Variants in PALD1 observed in about 807,000 individuals in gnomAD.
The protein encoded by PALD1 is paladin.
Under a neutral mutation model 96.0 loss-of-function variants are expected in PALD1, and 57 were observed. That is an observed-to-expected ratio of 0.59 (90% CI 0.48 to 0.74). PALD1 has a LOEUF of 0.74. Ranked by LOEUF, PALD1 falls within the 30% of genes least tolerant of loss-of-function variation. The pLI is 0.00. For synonymous variants in PALD1, 464 were observed against 473.6 expected (o/e 0.98, Z 0.26); for missense variants, 1,063 against 1,143.7 (o/e 0.93, Z 1.02).
intron 1 of PALD1, among the ~76,000 whole-genome samples, chr10:70,482,658 G>C (rs2132254936): frequency 6.6e-6 from 1 of 152,202 alleles, no homozygotes; most frequent in Admixed American, 6.5e-5. Context: ...TTGTGATTAA[G>C]AACACTGGCT....
At chr10:70,477,435 TCAGGTCTGTTTCC>T (rs551328215), upstream of PALD1, among the ~76,000 whole-genome samples, 36 of 152,324 alleles carry the variant, frequency 2.4e-4, no homozygotes, top group East Asian at 6.8e-3. Flanking sequence ...ACTCTGAAGG[TCAGGTCTGTTTCC>T]CAAGGCCACT....
At chr10:70,517,069 C>T (rs1264846149) in intron 1 of PALD1, among the ~76,000 whole-genome samples, 1 of 152,090 alleles carries the variant, frequency 6.6e-6, no homozygotes, top group East Asian at 1.9e-4. Context: ...ATTGGCCAGG[C>T]CCTTTTCTGA....
chr10:70,527,192 T>G (rs1190242244), intron 2 of PALD1, among the ~76,000 whole-genome samples: 2 of 152,202 alleles, frequency 1.3e-5, no homozygotes, highest in African/African-American at 4.8e-5. Context: ...TTGCACAAGT[T>G]CCTTTCCCTC....
chr10:70,482,905 T>C (rs995951657), intron 1 of PALD1, among the ~76,000 whole-genome samples: 1 of 152,146 alleles, frequency 6.6e-6, no homozygotes, highest in African/African-American at 2.4e-5. Context: ...ATTACCACGA[T>C]GTTATTCTCT....
chr10:70,491,468 A>C (rs1031023620), intron 1 of PALD1, among the ~76,000 whole-genome samples: 3 of 151,660 alleles, frequency 2.0e-5, no homozygotes, highest in Admixed American at 2.0e-4. Flanking sequence ...GTGTGTGATG[A>C]TATCATTTGG....
At chr10:70,507,750 C>CGTGTGT (rs10579511) in intron 1 of PALD1, among the ~76,000 whole-genome samples, 4,291 of 148,648 alleles carry the variant, frequency 0.029, 91 homozygotes, top group African/African-American at 0.061. Flanking sequence ...TTTGTGTGTG[C>CGTGTGT]GTGTGTGTGT....
intron 5 of PALD1, among the ~76,000 whole-genome samples, chr10:70,531,824 A>C (rs1455591321): frequency 6.6e-6 from 1 of 152,056 alleles, no homozygotes; most frequent in African/African-American, 2.4e-5. Flanking sequence ...TCTACTAAAA[A>C]TACAAAAAAT....
At chr10:70,478,579 A>G (rs1845866263), upstream of PALD1, among the ~76,000 whole-genome samples, 3 of 151,854 alleles carry the variant, frequency 2.0e-5, no homozygotes, top group South Asian at 4.2e-4. Flanking sequence ...CTCCTCGCGG[A>G]GGGTGGGCGG....
intron 1 of PALD1, among the ~76,000 whole-genome samples, chr10:70,507,838 G>C (rs1007487569): frequency 1.3e-5 from 2 of 151,652 alleles, no homozygotes; most frequent in African/African-American, 4.8e-5. Context: ...TCTTGCCCAG[G>C]CTAGCTTTTT....
Position 70,539,341 on chromosome 10 carries a change from G to T in PALD1, c.1725+94G>T. 1 of 1,321,470 alleles carries T rather than the reference G, an allele frequency of 7.6e-7. No individual in the cohort carries two copies. 81.9% of individuals were successfully genotyped at this position (1,321,470 alleles called of 1,614,324 possible). A position where few individuals can be genotyped will look rare whatever the true frequency, so the allele number is the denominator to read the frequency against. ...AGAAGGCCTCACACTCCCGCAGACA[G>T]ATGGAGAATCTGAGGCCCCGGGAGG... On this transcript the variant is annotated intron_variant, in intron 14 of 19. Transcript: ENST00000263563. The surrounding 1 kb of genome is among the most constrained non-coding windows in gnomAD (Gnocchi z 4.5).
intron 18 of PALD1, among the ~76,000 whole-genome samples, chr10:70,560,493 C>A (rs542774352): frequency 6.6e-6 from 1 of 152,294 alleles, no homozygotes; most frequent in East Asian, 1.9e-4. Context: ...ATGGGACAGT[C>A]CCGCCTCCTT....
the PALD1 span, among the ~76,000 whole-genome samples, chr10:70,472,324 G>C: frequency 6.6e-6 from 1 of 152,066 alleles, no homozygotes; most frequent in South Asian, 2.1e-4. Context: ...GCAATGACGC[G>C]ATCTTGGCTC....
chr10:70,542,979 G>A (rs942174757), intron 17 of PALD1, among the ~76,000 whole-genome samples: 1 of 151,038 alleles, frequency 6.6e-6, no homozygotes, highest in African/African-American at 2.4e-5. Flanking sequence ...CACCGTGTTG[G>A]CCAGGCTGGT....
chr10:70,503,979 G>A (rs1027927710), intron 1 of PALD1, among the ~76,000 whole-genome samples: 1 of 152,250 alleles, frequency 6.6e-6, no homozygotes, highest in African/African-American at 2.4e-5. Context: ...TGGGAAGCCT[G>A]GCTGCCTGGC....
the PALD1 span, among the ~76,000 whole-genome samples, chr10:70,464,864 G>A: frequency 6.6e-6 from 1 of 151,960 alleles, no homozygotes; most frequent in Admixed American, 6.6e-5. Flanking sequence ...CTGGCCTCAG[G>A]AGATCCACCC....
rs2132397532 is a variant in PALD1, at chr10:70,540,390, G to C, written c.1908+628G>C. Among the ~76,000 whole-genome samples the C allele has an allele frequency of 6.6e-6, 1 of 151,830 alleles. No homozygotes were observed. Among genetic ancestry groups the C allele is most frequent in the South Asian group, 2.1e-4 (1 of 4,788 alleles). Reference sequence around the variant, plus strand: ...TCTTTAGGGGAGTGGTGTGGTGTGTGGTAGGGTTTGTGGAGGGGTCGTTAG... The same window carrying C: ...TCTTTAGGGGAGTGGTGTGGTGTGTCGTAGGGTTTGTGGAGGGGTCGTTAG... On this transcript the variant is annotated intron_variant, in intron 15 of 19. Coordinates refer to ENST00000263563, the MANE Select transcript of PALD1 (RefSeq NM_014431.3). This position sits in a 1 kb window ranked among gnomAD's most constrained non-coding sequence, Gnocchi z 4.2.
rs111850326 is a variant in PALD1, at chr10:70,508,784, CGTGTGTGT to C, written c.-29-17111_-29-17104del. The stretch of plus-strand genomic sequence containing the variant: ...CAGGGTGGGTTTCGACTCTGTATGG[CGTGTGTGT>C]GTGTGTGTGTGTGTGTGTGTGTGTG... On this transcript the variant is annotated intron_variant, in intron 1 of 19. Coordinates refer to ENST00000263563, the MANE Select transcript of PALD1 (RefSeq NM_014431.3). 6.2e-3 allele frequency among the ~76,000 whole-genome samples: 625 copies of C among 100,054 alleles called. 6 individuals carry two copies. Among genetic ancestry groups the C allele is most frequent in the Non-Finnish European group, 7.6e-3 (365 of 48,198 alleles). The allele number at this position is 100,054 out of a possible 152,430, so 65.6% of individuals were successfully genotyped here.
intron 1 of PALD1, among the ~76,000 whole-genome samples, chr10:70,512,193 T>C (rs944903368): frequency 6.6e-6 from 1 of 152,236 alleles, no homozygotes; most frequent in Non-Finnish European, 1.5e-5. Flanking sequence ...GTTAGTCACA[T>C]GGCCCCAGGT....
Position 70,489,962 on chromosome 10 carries a change from G to T in PALD1, c.-30+10903G>T, listed in dbSNP as rs113955880. On this transcript the variant is annotated intron_variant, in intron 1 of 19. Coordinates refer to ENST00000263563, the MANE Select transcript of PALD1 (RefSeq NM_014431.3). ...TCTTGAGATGGAGTCTCGCTCTGTT[G>T]CCCAGTCTGGAGTATAGTGGCGTGA... is the stretch of plus-strand genomic sequence containing the variant. Among the ~76,000 whole-genome samples the T allele has an allele frequency of 6.5e-3, 987 of 151,880 alleles. 11 individuals carry two copies. Among genetic ancestry groups the T allele is most frequent in the African/African-American group, 0.023 (936 of 41,384 alleles).
Sources: gnomAD v4.1 joint callset for allele counts (sites outside exome capture counted in the v4.1 genomes callset) on GRCh38, gnomAD v4.1.1 for gene constraint, Gnocchi (gnomAD v3.1) non-coding constraint, MANE v1.5 for transcripts, NCBI Gene and HGNC (gene_info 2026-07-23, HGNC 2026-07-21) for gene names.